BLK: variants seen among roughly 807,000 people sequenced by gnomAD.
BLK encodes the protein BLK proto-oncogene, Src family tyrosine kinase, also known as tyrosine-protein kinase Blk.
BLK carries 64 observed loss-of-function variants against 61.8 expected under a neutral mutation model. That is an observed-to-expected ratio of 1.03 (90% CI 0.85 to 1.27). The LOEUF (loss-of-function observed/expected upper bound fraction) is 1.27, where lower values mean the gene tolerates loss of function less well. Ranked by LOEUF, BLK falls within the 50% of genes most tolerant of loss-of-function variation. The probability of loss-of-function intolerance (pLI) is 0.00; values close to 1 mark genes in which losing one functional copy is unlikely to be tolerated. For missense variants in BLK, 853 were observed against 660.5 expected (o/e 1.29, Z -3.19); for synonymous variants, 351 against 272.0 (o/e 1.29, Z -2.86).
chr8:11,549,468 C>T (rs1315147695), intron 5 of BLK, among the ~76,000 whole-genome samples: 3 of 152,240 alleles, frequency 2.0e-5, no homozygotes, highest in Non-Finnish European at 4.4e-5. Context: ...GGGCAGGACT[C>T]AGGGCTCAGC....
At chr8:11,504,410 AG>A (rs914844734) in intron 1 of BLK, among the ~76,000 whole-genome samples, 1 of 148,124 alleles carries the variant, frequency 6.8e-6, no homozygotes, top group Non-Finnish European at 1.5e-5. Context: ...AGAAAAGAAA[AG>A]AAAAAAAAAA....
chr8:11,537,346 C>T (rs572367492), intron 1 of BLK, among the ~76,000 whole-genome samples: 100 of 152,220 alleles, frequency 6.6e-4, no homozygotes, highest in African/African-American at 1.8e-3. Flanking sequence ...ATTGTGATCG[C>T]GACACCCAGG....
At chr8:11,531,757 C>T (rs1799894675) in intron 1 of BLK, among the ~76,000 whole-genome samples, 1 of 152,210 alleles carries the variant, frequency 6.6e-6, no homozygotes, top group African/African-American at 2.4e-5. Context: ...CTTTTTCTCC[C>T]TGTGCTTCAC....
intron 4 of BLK, 38 bp from the exon 5 acceptor site, chr8:11,548,986 G>T: frequency 6.4e-7 from 1 of 1,558,164 alleles, no homozygotes. Flanking sequence ...GGCCTACAGG[G>T]GCCATGATCT....
rs140695244 is a variant in BLK at position 11,518,385 on chromosome 8, A to G, written c.-2+23794A>G. On this transcript the variant is annotated intron_variant, in intron 1 of 12. Transcript: ENST00000259089. ...ACTTCCCTGTAGATGCCCGCTAGAT[A>G]CTGGGTTCTGATTCTGAACACAGAC... Among the ~76,000 whole-genome samples, 3 of 152,270 alleles carry G rather than the reference A, an allele frequency of 2.0e-5. No individual in the cohort carries two copies. The East Asian group carries it at 5.8e-4, about 29-fold the overall frequency.
chr8:11,496,637 T>C (rs1018028136), intron 1 of BLK, among the ~76,000 whole-genome samples: 8 of 152,170 alleles, frequency 5.3e-5, no homozygotes, highest in African/African-American at 1.7e-4. Context: ...TGGTGCAGGC[T>C]CCTGGCACCC....
chr8:11,528,227 G>A (rs1004792059), intron 1 of BLK, among the ~76,000 whole-genome samples: 1 of 152,134 alleles, frequency 6.6e-6, no homozygotes, highest in Non-Finnish European at 1.5e-5. Flanking sequence ...TGTAGAGATG[G>A]AGTCTTGCTG....
chr8:11,547,827 C>T lies in BLK; in HGVS notation c.176-205C>T, dbSNP rs11786737. 0.23 allele frequency among the ~76,000 whole-genome samples: 35,403 copies of T among 152,030 alleles called. 5,029 individuals carry two copies. The highest frequency in any genetic ancestry group is 0.33 in the Non-Finnish European group (22,322 of 67,916). ...AGGTCATAGGGCTTCTTAGTGGGTC[C>T]ACAACGGAGGACAGGATGGGCTCTG... On this transcript the variant is annotated intron_variant, in intron 3 of 12. Transcript: ENST00000259089.
chr8:11,548,517 C>T (rs1800749792), intron 4 of BLK, among the ~76,000 whole-genome samples: 1 of 152,330 alleles, frequency 6.6e-6, no homozygotes, highest in South Asian at 2.1e-4. Context: ...ACTGATGACA[C>T]ACACCAATCC....
At position 11,564,039 on chromosome 8, in the gene BLK, C is replaced by G; in HGVS notation, c.1449C>G (p.Phe483Leu). Reference sequence around the variant, plus strand: ...GCCGGCCCGAGGAGCGGCCCACCTTCGAGTTCCTGCAGTCGGTGCTGGAGG... The same window carrying G: ...GCCGGCCCGAGGAGCGGCCCACCTTGGAGTTCCTGCAGTCGGTGCTGGAGG... ...WRSRPEERPT[F>L]EFLQSVLEDF... The change falls in exon 13 of 13, where the codon TTC (phenylalanine) becomes TTG (leucine). Residue 483 changes from phenylalanine (F) to leucine (L), a missense_variant. Physicochemically the swap from Phe to Leu is conservative, Grantham distance 22. Coordinates refer to ENST00000259089, the MANE Select transcript of BLK (RefSeq NM_001715.3). 6.2e-7 allele frequency: 1 copy of G among 1,603,922 alleles called. No individual in the cohort carries two copies. The highest frequency in any genetic ancestry group is 8.5e-7 in the Non-Finnish European group (1 of 1,178,612).
chr8:11,535,953 A>G (rs569435177), intron 1 of BLK, among the ~76,000 whole-genome samples: 1 of 152,364 alleles, frequency 6.6e-6, no homozygotes, highest in East Asian at 1.9e-4. Context: ...CTTGAAACTA[A>G]CCAAAGTCAG....
chr8:11,541,744 C>T (rs1040181732), intron 1 of BLK, among the ~76,000 whole-genome samples: 1 of 152,070 alleles, frequency 6.6e-6, no homozygotes, highest in Admixed American at 6.6e-5. Flanking sequence ...GGGATCTGCC[C>T]GCCTCGGCCT....
chr8:11,541,303 G>A (rs759609534), intron 1 of BLK, among the ~76,000 whole-genome samples: 1 of 152,096 alleles, frequency 6.6e-6, no homozygotes, highest in East Asian at 1.9e-4. Context: ...ATCCATCCAT[G>A]TGCCAAATAG....
At chr8:11,512,580 C>T (rs1799058365) in intron 1 of BLK, among the ~76,000 whole-genome samples, 1 of 152,212 alleles carries the variant, frequency 6.6e-6, no homozygotes, top group African/African-American at 2.4e-5. Context: ...TATTTCCACC[C>T]TCTACTTTAT....
At position 11,561,419 on chromosome 8, in the gene BLK, C is replaced by G. The variant is rs771692863; in HGVS notation, c.1147C>G (p.Arg383Gly). The G allele has an allele frequency of 3.1e-6, 5 of 1,613,892 alleles. No individual in the cohort carries two copies. The highest frequency in any genetic ancestry group is 1.3e-5 in the African/African-American group (1 of 74,906). Residue 383 changes from arginine (R) to glycine (G), a missense_variant, in exon 11 of 13, where the codon CGA (arginine) becomes GGA (glycine). By Grantham distance (125) the Arg-to-Gly change is moderately radical (BLOSUM62 -2). Transcript: ENST00000259089. ...CCKIADFGLA[R>G]IIDSEYTAQE... is the part of the protein sequence containing the mutation. Reference sequence around the variant, plus strand: ...CAAAATTGCTGATTTTGGCTTGGCTCGAATCATCGACAGTGAATACACGGC... The same window carrying G: ...CAAAATTGCTGATTTTGGCTTGGCTGGAATCATCGACAGTGAATACACGGC...
chr8:11,526,388 T>C (rs1293459643), intron 1 of BLK, among the ~76,000 whole-genome samples: 1 of 152,216 alleles, frequency 6.6e-6, no homozygotes, highest in Non-Finnish European at 1.5e-5. Context: ...TCCTACTTTT[T>C]TGTTATACTG....
At chr8:11,533,211 C>T (rs926332162) in intron 1 of BLK, among the ~76,000 whole-genome samples, 2 of 152,174 alleles carry the variant, frequency 1.3e-5, no homozygotes, top group African/African-American at 4.8e-5. Flanking sequence ...TACAATCAAC[C>T]CAAGCATGTT....
intron 1 of BLK, among the ~76,000 whole-genome samples, chr8:11,527,251 G>A (rs1054540637): frequency 6.6e-6 from 1 of 152,076 alleles, no homozygotes; most frequent in Admixed American, 6.5e-5. Context: ...TCACCTCTAA[G>A]GGGGTGTAAA....
At chr8:11,497,516 G>A (rs1031281625) in intron 1 of BLK, among the ~76,000 whole-genome samples, 4 of 152,188 alleles carry the variant, frequency 2.6e-5, no homozygotes, top group African/African-American at 4.8e-5. Context: ...GGCCTGCCAG[G>A]TTCTCTGGAC....
Sources: allele counts gnomAD v4.1 joint callset (sites outside exome capture counted in the v4.1 genomes callset), GRCh38; gene constraint gnomAD v4.1.1; transcripts MANE v1.5; gene names NCBI Gene and HGNC (gene_info 2026-07-23, HGNC 2026-07-21).